Variants in MYH6 observed in about 807,000 individuals in gnomAD.
The protein encoded by MYH6 is myosin heavy chain 6.
A neutral mutation model predicts 223.2 loss-of-function variants in MYH6; 126 were observed. That is an observed-to-expected ratio of 0.56 (90% CI 0.49 to 0.65). The LOEUF is 0.65. Among genes scored for constraint, MYH6 ranks in the 30% least tolerant of loss-of-function variants. MYH6 has a pLI of 0.00. For synonymous variants in MYH6, 978 were observed against 1,010.2 expected, an observed-to-expected ratio of 0.97 and a Z score of 0.61; for missense variants, 2,040 against 2,536.4, an observed-to-expected ratio of 0.80 and a Z score of 4.20.
chr14:23,383,169 G>C, intron 37 of MYH6, 56 bp downstream of exon 37: 1 of 1,428,230 alleles, frequency 7.0e-7, no homozygotes. Flanking sequence ...GATATTCATT[G>C]GTTCTCACAA....
At chr14:23,388,426 A>C in intron 29 of MYH6, 88 bp from the exon 30 acceptor site, 1 of 1,562,528 alleles carries the variant, frequency 6.4e-7, no homozygotes, top group Non-Finnish European at 8.7e-7. Context: ...CCCTCCCTAT[A>C]TCTCCTTGAG....
rs1404653750 is a variant in MYH6 at position 23,383,254 on chromosome 14, T to C, written c.5632A>G (p.Lys1878Glu). 1.3e-6 allele frequency: 2 copies of C among 1,582,028 alleles called. No individual in the cohort carries two copies. The highest frequency in any genetic ancestry group is 2.8e-5 in the African/African-American group (2 of 71,190). The change falls in exon 37 of 39, where the codon AAG (lysine) becomes GAG (glutamate). Residue 1878 changes from lysine to glutamate, a missense_variant. By Grantham distance (56) the Lys-to-Glu change is moderately conservative. This residue lies in a region of MYH6 where 1,203 missense variants were observed against 1,400.2 expected (regional missense o/e 0.86). Transcript: ENST00000405093. ...TCCTCGGCCTGGCGCTTGTAGGCCT[T>C]GACCTTCAGTTGCAGCTTGTCCACC... ...DLVDKLQLKV[K>E]AYKRQAEEAE...
chr14:23,402,336 C>G, intron 12 of MYH6, 128 bp downstream of exon 12: 2 of 1,437,036 alleles, frequency 1.4e-6, no homozygotes, highest in Non-Finnish European at 1.9e-6. Flanking sequence ...CTCCCACGTC[C>G]CTGTCCCTCA....
At chr14:23,385,183 C>T in intron 34 of MYH6, 142 bp from the exon 35 acceptor site, 1 of 980,016 alleles carries the variant, frequency 1.0e-6, no homozygotes, top group Non-Finnish European at 1.5e-6. Flanking sequence ...TCGTTTTGTA[C>T]CTGCTTTCCC....
In MYH6 at chr14:23,389,285, C is replaced by A. The variant is rs150694451; in HGVS notation, c.3978+108G>T. ...CAGGGCAGAACCTAGACTGGAGGGT[C>A]TTTCCCTTGCAGAGGACTCTTTCCA... On this transcript the variant is annotated intron_variant, in intron 28 of 38. Transcript: ENST00000405093. 2.0e-4 allele frequency: 270 copies of A among 1,331,850 alleles called. 4 individuals are homozygous for A. The East Asian group carries it at 5.3e-3, about 26-fold the overall frequency. 82.5% of individuals were successfully genotyped at this position (1,331,850 alleles called of 1,614,324 possible).
chr14:23,404,461 TG>T, intron 7 of MYH6, 73 bp from the exon 8 acceptor site: 1 of 1,565,994 alleles, frequency 6.4e-7, no homozygotes, highest in Non-Finnish European at 8.8e-7. Context: ...GCAGGGAGGC[TG>T]CCCTGGCCCT....
At chr14:23,388,572 C>G (rs1294189650) in intron 29 of MYH6, 2 of 860,602 alleles carry the variant, frequency 2.3e-6, no homozygotes, top group East Asian at 2.4e-5. Flanking sequence ...ACCCCCCACA[C>G]AGGCTGATCG....
Position 23,407,316 on chromosome 14 carries a change from C to T in MYH6, c.-13-80G>A. 1 of 1,513,030 alleles carries T rather than the reference C, an allele frequency of 6.6e-7. No individual in the cohort carries two copies. The highest frequency in any genetic ancestry group is 9.1e-7 in the Non-Finnish European group (1 of 1,099,240). The allele number at this position is 1,513,030 out of a possible 1,614,324, so 93.7% of individuals were successfully genotyped here. A position where few individuals can be genotyped will look rare whatever the true frequency, so the allele number is the denominator to read the frequency against. ...AGTGGCTTTGTCCTCTGCAGCCCCC[C>T]TCCCTACCCCCGCTCCTCTCCTCCA... On this transcript the variant is annotated intron_variant, in intron 2 of 38. Coordinates refer to ENST00000405093, the MANE Select transcript of MYH6 (RefSeq NM_002471.4). This position sits in a 1 kb window ranked among gnomAD's most constrained non-coding sequence, Gnocchi z 5.6.
At chr14:23,388,416 C>T in intron 29 of MYH6, 78 bp from the exon 30 acceptor site, 4 of 1,584,638 alleles carry the variant, frequency 2.5e-6, no homozygotes, top group Non-Finnish European at 3.4e-6. Flanking sequence ...TCCTTCCACC[C>T]CCTCCCTATA....
chr14:23,400,679 G>T, intron 13 of MYH6, 30 bp downstream of exon 13: 1 of 1,614,222 alleles, frequency 6.2e-7, no homozygotes, highest in Non-Finnish European at 8.5e-7. Flanking sequence ...GCGAGTGATT[G>T]TTCTCCCACT....
In MYH6 at chr14:23,399,018, A is replaced by T. The variant is rs1264642639; in HGVS notation, c.1601T>A (p.Ile534Asn). The change falls in exon 15 of 39, where the codon ATC becomes AAC. Residue 534 changes from isoleucine (I) to asparagine (N), a missense_variant. Physicochemically the swap from Ile to Asn is moderately radical, Grantham distance 149. Transcript: ENST00000405093. ...GGGGAACATGCACTCCTCCTCCAGG[A>T]TGGACATGATGCCCATGGGCTGAGG... ...LIEKPMGIMS[I>N]LEEECMFPKA... The T allele has an allele frequency of 6.2e-7, 1 of 1,614,072 alleles. No individual in the cohort carries two copies. The highest frequency in any genetic ancestry group is 1.7e-5 in the Admixed American group (1 of 60,006).
chr14:23,400,805 G>A lies in MYH6; in HGVS notation c.1314C>T (p.Asn438=). The A allele has an allele frequency of 6.2e-7, 1 of 1,614,236 alleles. No homozygotes were observed. The highest frequency in any genetic ancestry group is 8.5e-7 in the Non-Finnish European group (1 of 1,180,046). ...TGGCGTTGATGCGCGTCACCATCCA[G>A]TTGAACATCTTCTCATACACTGCCT... is the stretch of plus-strand genomic sequence containing the variant. ...LAKAVYEKMF[N]WMVTRINATL... Residue 438 remains asparagine, a synonymous_variant, in exon 13 of 39, where the codon AAC becomes AAT. Coordinates refer to ENST00000405093, the MANE Select transcript of MYH6 (RefSeq NM_002471.4).
In MYH6 at chr14:23,393,892, T is replaced by G; in HGVS notation, c.2702A>C (p.Asn901Thr). The change falls in exon 22 of 39, where the codon AAT becomes ACT. Residue 901 changes from asparagine (N) to threonine (T), a missense_variant. This residue lies in a region of MYH6 where 1,203 missense variants were observed against 1,400.2 expected (regional missense o/e 0.86). Transcript: ENST00000405093. Reference sequence around the variant, plus strand: ...CTGGTCGCAGCGCTCCTCAGCATCATTGAGGTTGTCTTGTTCCTGGGAGAA... The same window carrying G: ...CTGGTCGCAGCGCTCCTCAGCATCAGTGAGGTTGTCTTGTTCCTGGGAGAA... ...LQVQAEQDNL[N>T]DAEERCDQLI... 2 of 1,614,146 alleles carry G rather than the reference T, an allele frequency of 1.2e-6. No individual in the cohort carries two copies. Among genetic ancestry groups the G allele is most frequent in the Non-Finnish European group, 1.7e-6 (2 of 1,180,028 alleles).
chr14:23,383,463 TTC>T (rs1170207937), intron 36 of MYH6, 143 bp from the exon 37 acceptor site: 1 of 697,570 alleles, frequency 1.4e-6, no homozygotes, highest in South Asian at 1.8e-5. Flanking sequence ...GTGGGGAAGA[TTC>T]TCTGACTCTA....
At chr14:23,396,483 C>T in intron 19 of MYH6, 63 bp from the exon 20 acceptor site, 1 of 1,600,286 alleles carries the variant, frequency 6.2e-7, no homozygotes, top group Non-Finnish European at 8.5e-7. Flanking sequence ...GGGTGGAAGA[C>T]CCTGGATGAG....
chr14:23,404,911 C>T, intron 6 of MYH6, 89 bp from the exon 7 acceptor site: 4 of 1,483,398 alleles, frequency 2.7e-6, no homozygotes, highest in Non-Finnish European at 3.8e-6. Flanking sequence ...CCCAGCCTGG[C>T]CATCAGAGCC....
At chr14:23,390,588 T>G in intron 25 of MYH6, 142 bp from the exon 26 acceptor site, 2 of 1,500,954 alleles carry the variant, frequency 1.3e-6, no homozygotes, top group Admixed American at 2.0e-5. Context: ...CAGGGAACAG[T>G]TGGCAATGTC....
chr14:23,393,591 C>T, intron 22 of MYH6, 73 bp from the exon 23 acceptor site: 4 of 1,614,060 alleles, frequency 2.5e-6, no homozygotes, highest in Non-Finnish European at 3.4e-6. Context: ...GACCTCCATG[C>T]CAAGGACCAG....
intron 14 of MYH6, 128 bp downstream of exon 14, chr14:23,400,128 G>A (rs764188567): frequency 9.9e-6 from 14 of 1,407,672 alleles, no homozygotes; most frequent in Non-Finnish European, 1.3e-5. Flanking sequence ...TCACAGTGGG[G>A]AGAAGCTGGG....
Sources: gnomAD v4.1 joint callset for allele counts on GRCh38, gnomAD v4.1.1 for gene constraint, gnomAD v4.1.1 regional missense constraint, Gnocchi (gnomAD v3.1) non-coding constraint, MANE v1.5 for transcripts, NCBI Gene and HGNC (gene_info 2026-07-23, HGNC 2026-07-21) for gene names.